Variants in SAMD5 observed in about 807,000 individuals in gnomAD.
SAMD5 encodes the protein sterile alpha motif domain-containing protein 5.
In SAMD5, 13 loss-of-function variants were observed where a neutral mutation model predicts 11.3. The observed-to-expected ratio is 1.15, with a 90% CI of 0.75 to 1.83. The LOEUF (loss-of-function observed/expected upper bound fraction) is 1.83, where lower values mean the gene tolerates loss of function less well. SAMD5 is among the 40% of genes most tolerant of loss of function. The pLI, the probability that SAMD5 is intolerant of heterozygous loss-of-function variation, is 0.00. For missense variants in SAMD5, 255 were observed against 239.1 expected (o/e 1.07, Z -0.44); for synonymous variants, 129 against 111.3 (o/e 1.16, Z -1.00).
At chr6:147,786,329 AT>A in the SAMD5 span, among the ~76,000 whole-genome samples, 1 of 152,128 alleles carries the variant, frequency 6.6e-6, no homozygotes, top group African/African-American at 2.4e-5. Flanking sequence ...GGAAAACACT[AT>A]TTTTTTCCAT....
chr6:147,890,518 C>G, the SAMD5 span, among the ~76,000 whole-genome samples: 6 of 151,942 alleles, frequency 3.9e-5, no homozygotes, highest in Non-Finnish European at 8.8e-5. Flanking sequence ...ACCACCACGC[C>G]CCGCTAATTT....
At chr6:147,730,685 A>G (rs1048445274) in intron 1 of SAMD5, among the ~76,000 whole-genome samples, 3 of 152,202 alleles carry the variant, frequency 2.0e-5, no homozygotes, top group African/African-American at 7.2e-5. Flanking sequence ...ACAATAGACA[A>G]GGTCCGAGAA....
intron 1 of SAMD5, among the ~76,000 whole-genome samples, chr6:147,523,666 TGAAGA>T (rs1373493721): frequency 1.3e-5 from 2 of 152,210 alleles, no homozygotes; most frequent in Non-Finnish European, 2.9e-5. Context: ...ATGAGCTTTA[TGAAGA>T]GAAAAGATTT....
At chr6:147,742,299 A>C (rs537284050), downstream of SAMD5, among the ~76,000 whole-genome samples, 25 of 151,932 alleles carry the variant, frequency 1.6e-4, 1 homozygote, top group African/African-American at 5.5e-4. Flanking sequence ...TTTCCTTTAC[A>C]TGCAGTGGAA....
chr6:147,841,889 CAATG>C, the SAMD5 span, among the ~76,000 whole-genome samples: 1 of 152,146 alleles, frequency 6.6e-6, no homozygotes, highest in South Asian at 2.1e-4. Context: ...GCACAAAAGA[CAATG>C]AACATGGCTC....
intron 1 of SAMD5, among the ~76,000 whole-genome samples, chr6:147,604,500 A>G (rs570699174): frequency 1.3e-5 from 2 of 152,210 alleles, no homozygotes; most frequent in Non-Finnish European, 2.9e-5. Context: ...GGAAAAACAT[A>G]GTTGGCAGAA....
chr6:147,941,438 C>T, the SAMD5 span, among the ~76,000 whole-genome samples: 20 of 152,310 alleles, frequency 1.3e-4, no homozygotes, highest in Non-Finnish European at 2.2e-4. Flanking sequence ...GAATTCCAAA[C>T]GTGCCTGCAT....
the SAMD5 span, among the ~76,000 whole-genome samples, chr6:147,885,198 C>T: frequency 0.33 from 50,562 of 151,952 alleles, 8,635 homozygotes; most frequent in Non-Finnish European, 0.38. Context: ...GTCACTCACA[C>T]CTGTAATCCC....
the SAMD5 span, among the ~76,000 whole-genome samples, chr6:147,925,849 A>G: frequency 3.1e-4 from 47 of 151,986 alleles, no homozygotes; most frequent in Non-Finnish European, 6.0e-4. Context: ...TCCACCCTCA[A>G]GTAGGCCCCA....
At chr6:147,767,330 A>C in the SAMD5 span, among the ~76,000 whole-genome samples, 3 of 149,970 alleles carry the variant, frequency 2.0e-5, no homozygotes, top group Admixed American at 2.0e-4. Flanking sequence ...TTACAACAAA[A>C]ATCTCCCTCT....
the SAMD5 span, among the ~76,000 whole-genome samples, chr6:147,754,839 C>A: frequency 6.6e-6 from 1 of 151,916 alleles, no homozygotes; most frequent in Admixed American, 6.6e-5. Flanking sequence ...GGTATATGTC[C>A]TGGACACCTT....
chr6:147,943,343 A>C, the SAMD5 span, among the ~76,000 whole-genome samples: 35 of 152,226 alleles, frequency 2.3e-4, no homozygotes, highest in Non-Finnish European at 4.7e-4. Flanking sequence ...AAAATAGAAA[A>C]TACAGTGTCT....
chr6:147,701,251 A>G (rs1791248943), intron 1 of SAMD5, among the ~76,000 whole-genome samples: 1 of 152,236 alleles, frequency 6.6e-6, no homozygotes, highest in Non-Finnish European at 1.5e-5. Context: ...AAGTACTGAT[A>G]TAAGCATAAT....
chr6:147,703,020 C>G (rs541837820), intron 1 of SAMD5, among the ~76,000 whole-genome samples: 1 of 152,184 alleles, frequency 6.6e-6, no homozygotes, highest in East Asian at 1.9e-4. Flanking sequence ...TTCTACTCAC[C>G]ATGTGTTACA....
the SAMD5 span, among the ~76,000 whole-genome samples, chr6:147,940,859 G>T: frequency 6.6e-6 from 1 of 152,200 alleles, no homozygotes; most frequent in Non-Finnish European, 1.5e-5. Context: ...CTACTTGGGA[G>T]GCTGAGGCAG....
chr6:147,609,814 C>T (rs1789756060), intron 1 of SAMD5, among the ~76,000 whole-genome samples: 1 of 152,082 alleles, frequency 6.6e-6, no homozygotes, highest in Admixed American at 6.6e-5. Flanking sequence ...CCTCAGCCTC[C>T]CAAAGTGCTG....
At chr6:147,673,360 C>T (rs1042745024) in intron 1 of SAMD5, among the ~76,000 whole-genome samples, 3 of 152,012 alleles carry the variant, frequency 2.0e-5, no homozygotes, top group African/African-American at 7.2e-5. Context: ...ACTACAGGTG[C>T]CTGCCACCAC....
the SAMD5 span, among the ~76,000 whole-genome samples, chr6:147,808,697 TA>T: frequency 6.6e-6 from 1 of 152,298 alleles, no homozygotes; most frequent in African/African-American, 2.4e-5. Context: ...TTTCCCAGTT[TA>T]AAAAAATGAA....
At chr6:147,720,787 C>T (rs1432159117) in intron 1 of SAMD5, among the ~76,000 whole-genome samples, 17 of 149,598 alleles carry the variant, frequency 1.1e-4, no homozygotes, top group African/African-American at 1.7e-4. Flanking sequence ...CATGCTGGTG[C>T]GCTGCACCCA....
Sources: allele counts gnomAD v4.1 joint callset (sites outside exome capture counted in the v4.1 genomes callset), GRCh38; gene constraint gnomAD v4.1.1; transcripts MANE v1.5; gene names NCBI Gene and HGNC (gene_info 2026-07-23, HGNC 2026-07-21).